Variants in DVL3 observed in about 807,000 individuals in gnomAD.
DVL3 encodes segment polarity protein dishevelled homolog DVL-3.
In DVL3, 27 loss-of-function variants were observed where a neutral mutation model predicts 67.4. That is an observed-to-expected ratio of 0.40 (90% CI 0.30 to 0.55). The LOEUF (loss-of-function observed/expected upper bound fraction) is 0.55, where lower values mean the gene tolerates loss of function less well. DVL3 is among the 20% of genes least tolerant of loss of function. The pLI, the probability that DVL3 is intolerant of heterozygous loss-of-function variation, is 0.46. For synonymous variants in DVL3, 369 were observed against 396.8 expected (o/e 0.93, Z 0.83); for missense variants, 819 against 1,021.5 (o/e 0.80, Z 2.70).
rs140653864 is a variant in DVL3 at position 184,167,644 on chromosome 3, C to T, written c.1263C>T (p.Ser421=). 370 of 1,614,198 alleles carry T rather than the reference C, an allele frequency of 2.3e-4. 3 individuals carry two copies. The African/African-American group carries it at 3.7e-3, about 16-fold the overall frequency. The part of the protein sequence containing the change: ...DMAAIVKAMA[S]PESGLEVRDR... ...CTGCCATCGTAAAAGCCATGGCCTCCCCTGAATCAGGGTTGGAGGTCCGTG... is the reference window on the plus strand; with the variant it reads ...CTGCCATCGTAAAAGCCATGGCCTCTCCTGAATCAGGGTTGGAGGTCCGTG... Residue 421 remains serine, a synonymous_variant, in exon 12 of 15, where the codon TCC becomes TCT. Transcript: ENST00000313143. This position sits in a 1 kb window ranked among gnomAD's most constrained non-coding sequence, Gnocchi z 4.6.
Position 184,171,501 on chromosome 3 carries a change from C to T in DVL3, c.*746C>T. 1.0e-6 allele frequency: 1 copy of T among 986,062 alleles called. No homozygotes were observed. The highest frequency in any genetic ancestry group is 1.2e-6 in the Non-Finnish European group (1 of 830,060). 61.1% of individuals were successfully genotyped at this position (986,062 alleles called of 1,614,324 possible). On this transcript the variant is annotated 3_prime_UTR_variant, in exon 15 of 15. Coordinates refer to ENST00000313143, the MANE Select transcript of DVL3 (RefSeq NM_004423.4). ...CTACTAACCAGCAGGCTCATCTCACCTCCAGGCCTGAAACATTTCTTTTCT... is the reference window on the plus strand; with the variant it reads ...CTACTAACCAGCAGGCTCATCTCACTTCCAGGCCTGAAACATTTCTTTTCT...
At position 184,170,337 on chromosome 3, in the gene DVL3, C is replaced by G; in HGVS notation, c.1733C>G (p.Ser578Cys). The change falls in exon 15 of 15, where the codon TCC becomes TGC. Residue 578 changes from serine (S) to cysteine (C), a missense_variant. By Grantham distance (112) the Ser-to-Cys change is moderately radical. Transcript: ENST00000313143. This position sits in a 1 kb window ranked among gnomAD's most constrained non-coding sequence, Gnocchi z 6.5. ...QHSEGSRSSG[S>C]NRSGSDRRKE... ...CCTACAGGCAGTCGGAGCAGTGGCT[C>G]CAACCGTAGCGGCAGCGATCGGAGG... 1 of 1,603,848 alleles carries G rather than the reference C, an allele frequency of 6.2e-7. No homozygotes were observed. The highest frequency in any genetic ancestry group is 1.7e-4 in the Middle Eastern group (1 of 6,030).
Position 184,170,050 on chromosome 3 carries a change from G to A in DVL3, c.1543G>A (p.Ala515Thr). ...SLHDHDGSSG[A>T]SDQDTLAPLP... ...CCACGATCACGATGGCTCCAGTGGC[G>A]CCTCTGACCAGGACACACTGGCCCC... The change falls in exon 14 of 15, where the codon GCC (alanine) becomes ACC (threonine). Residue 515 changes from alanine to threonine, a missense_variant. Physicochemically the swap from Ala to Thr is moderately conservative, Grantham distance 58. Transcript: ENST00000313143. This position sits in a 1 kb window ranked among gnomAD's most constrained non-coding sequence, Gnocchi z 6.5. 10 of 1,613,084 alleles carry A rather than the reference G, an allele frequency of 6.2e-6. No homozygotes were observed. The highest frequency in any genetic ancestry group is 8.5e-6 in the Non-Finnish European group (10 of 1,179,406).
chr3:184,164,418 G>A lies in DVL3; in HGVS notation c.353+30G>A, dbSNP rs185415845. ...GTGTGACCTGAGGGTGGGGAGGGCC[G>A]CATCAGTTCAGCCCAGGGCTGGGGG... On this transcript the variant is annotated intron_variant, in intron 3 of 14. Coordinates refer to ENST00000313143, the MANE Select transcript of DVL3 (RefSeq NM_004423.4). This position sits in a 1 kb window ranked among gnomAD's most constrained non-coding sequence, Gnocchi z 5.3. 20 of 1,609,560 alleles carry A rather than the reference G, an allele frequency of 1.2e-5. No individual in the cohort carries two copies. Among genetic ancestry groups the A allele is most frequent in the Middle Eastern group, 1.7e-4 (1 of 6,036 alleles).
chr3:184,166,879 A>G lies in DVL3; in HGVS notation c.1102A>G (p.Met368Val), dbSNP rs772123827. The G allele has an allele frequency of 6.2e-7, 1 of 1,614,050 alleles. No homozygotes were observed. Among genetic ancestry groups the G allele is most frequent in the East Asian group, 2.2e-5 (1 of 44,870 alleles). ...PAAWVSHTAAMTGTFPAYGMS... is the reference protein window; with the variant it reads ...PAAWVSHTAAVTGTFPAYGMS... ...GGCCTGGGTCTCCCACACTGCAGCC[A>G]TGACCGGCACCTTCCCTGCATACGG... is the stretch of plus-strand genomic sequence containing the variant. Residue 368 changes from methionine (M) to valine (V), a missense_variant, in exon 11 of 15, where the codon ATG (methionine) becomes GTG (valine). By Grantham distance (21) the Met-to-Val change is conservative. Around this residue, in one of 3 missense-constraint regions of DVL3, gnomAD observed 110 missense variants for 203.4 expected, o/e 0.54. Coordinates refer to ENST00000313143, the MANE Select transcript of DVL3 (RefSeq NM_004423.4). The surrounding 1 kb of genome is among the most constrained non-coding windows in gnomAD (Gnocchi z 6.7).
chr3:184,164,463 C>G lies in DVL3; in HGVS notation c.354-29C>G. On this transcript the variant is annotated intron_variant, in intron 3 of 14. Coordinates refer to ENST00000313143, the MANE Select transcript of DVL3 (RefSeq NM_004423.4). This position sits in a 1 kb window ranked among gnomAD's most constrained non-coding sequence, Gnocchi z 5.3. ...TGGGGGAGGGAGCCCCCAGCCTGCCCCCTCCCCCATCAAGTCTCTTCCCTG... is the reference window on the plus strand; with the variant it reads ...TGGGGGAGGGAGCCCCCAGCCTGCCGCCTCCCCCATCAAGTCTCTTCCCTG... 1 of 1,599,696 alleles carries G rather than the reference C, an allele frequency of 6.3e-7. No individual in the cohort carries two copies. Among genetic ancestry groups the G allele is most frequent in the Non-Finnish European group, 8.5e-7 (1 of 1,172,748 alleles).
rs1714460717 is a variant in DVL3 at position 184,163,657 on chromosome 3, A to G, written c.162A>G (p.Gly54=). Residue 54 remains glycine (G), a splice_region_variant and synonymous_variant, in exon 2 of 15, where the codon GGA becomes GGG. Transcript: ENST00000313143. This position sits in a 1 kb window ranked among gnomAD's most constrained non-coding sequence, Gnocchi z 4.5. Reference sequence around the variant, plus strand: ...CTGTGACATCCCCCTTTCTCTGCAGAGTGGTGAAGGAGGAGATCTCGGATG... The same window carrying G: ...CTGTGACATCCCCCTTTCTCTGCAGGGTGGTGAAGGAGGAGATCTCGGATG... ...FFFKSMDDDF[G]VVKEEISDDN... 3 of 1,613,658 alleles carry G rather than the reference A, an allele frequency of 1.9e-6. No individual in the cohort carries two copies. The highest frequency in any genetic ancestry group is 2.5e-6 in the Non-Finnish European group (3 of 1,179,872).
At chr3:184,168,386 C>G (rs1714674507) in intron 13 of DVL3, among the ~76,000 whole-genome samples, 2 of 152,224 alleles carry the variant, frequency 1.3e-5, no homozygotes, top group Admixed American at 1.3e-4. Flanking sequence ...TAGGCCTTTT[C>G]CTTCTCACTC....
At chr3:184,168,417 GTTGT>G in intron 13 of DVL3, among the ~76,000 whole-genome samples, 1 of 152,326 alleles carries the variant, frequency 6.6e-6, no homozygotes, top group East Asian at 1.9e-4. Context: ...CAGCTAGGGT[GTTGT>G]AGGCTTAAAG....
At chr3:184,157,995 C>T (rs1282895690) in intron 1 of DVL3, among the ~76,000 whole-genome samples, 3 of 152,250 alleles carry the variant, frequency 2.0e-5, no homozygotes, top group Middle Eastern at 6.8e-3. Context: ...ATTTAATCTT[C>T]GAAACAGCCT....
At position 184,170,826 on chromosome 3, in the gene DVL3, C is replaced by CT; in HGVS notation, c.*77dup. On this transcript the variant is annotated 3_prime_UTR_variant, in exon 15 of 15. Coordinates refer to ENST00000313143, the MANE Select transcript of DVL3 (RefSeq NM_004423.4). This position sits in a 1 kb window ranked among gnomAD's most constrained non-coding sequence, Gnocchi z 6.5. ...TGCGTTCCTCTCTCCATCCGTCCGT[C>CT]TTTTTTACTTTGTCTGGTACCTGAA... is the stretch of plus-strand genomic sequence containing the variant. The CT allele has an allele frequency of 1.3e-6, 2 of 1,584,516 alleles. No homozygotes were observed. Among genetic ancestry groups the CT allele is most frequent in the Non-Finnish European group, 8.6e-7 (1 of 1,165,926 alleles).
At position 184,165,467 on chromosome 3, in the gene DVL3, A is replaced by G. The variant is rs200772105; in HGVS notation, c.739A>G (p.Ile247Val). ...SITDSTMSLNIITVTLNMEKY... is the reference protein window; with the variant it reads ...SITDSTMSLNVITVTLNMEKY... ...CACGGACTCCACCATGTCACTCAAC[A>G]TCATCACGGTCACTCTCAACATGGG... Residue 247 changes from isoleucine to valine, a missense_variant, in exon 7 of 15, where the codon ATC becomes GTC. Transcript: ENST00000313143. The surrounding 1 kb of genome is among the most constrained non-coding windows in gnomAD (Gnocchi z 4.1). 11 of 1,614,058 alleles carry G rather than the reference A, an allele frequency of 6.8e-6. No homozygotes were observed. The highest frequency in any genetic ancestry group is 1.3e-5 in the African/African-American group (1 of 75,008).
In DVL3 at chr3:184,170,278, C is replaced by G; in HGVS notation, c.1715-41C>G. ...AGGTGGGCCCCAGGCTTCCCCCGCC[C>G]GCTCAGCCTGCCCCACCCCGGCCCT... On this transcript the variant is annotated intron_variant, in intron 14 of 14. Coordinates refer to ENST00000313143, the MANE Select transcript of DVL3 (RefSeq NM_004423.4). The surrounding 1 kb of genome is among the most constrained non-coding windows in gnomAD (Gnocchi z 6.5). 4 of 1,594,978 alleles carry G rather than the reference C, an allele frequency of 2.5e-6. No homozygotes were observed. Among genetic ancestry groups the G allele is most frequent in the Non-Finnish European group, 3.4e-6 (4 of 1,170,290 alleles).
intron 1 of DVL3, among the ~76,000 whole-genome samples, chr3:184,162,466 G>A (rs752400156): frequency 6.6e-6 from 1 of 151,896 alleles, no homozygotes. Flanking sequence ...GATTACCAGC[G>A]TGAGAAAGAG....
chr3:184,166,386 T>G lies in DVL3; in HGVS notation c.904-60T>G. 1.2e-6 allele frequency: 2 copies of G among 1,612,092 alleles called. No homozygotes were observed. Among genetic ancestry groups the G allele is most frequent in the Non-Finnish European group, 1.7e-6 (2 of 1,178,248 alleles). On this transcript the variant is annotated intron_variant, in intron 8 of 14. Transcript: ENST00000313143. The surrounding 1 kb of genome is among the most constrained non-coding windows in gnomAD (Gnocchi z 6.7). ...GGGAAGACTCCCTGACCTACCAAGT[T>G]GAGTTCCCTTTTCATCCTCCCCAGC... is the stretch of plus-strand genomic sequence containing the variant.
At position 184,170,228 on chromosome 3, in the gene DVL3, T is replaced by TAG. The variant is rs1485622206; in HGVS notation, c.1714+10_1714+11dup. On this transcript the variant is annotated splice_region_variant and intron_variant, in intron 14 of 14. Transcript: ENST00000313143. This position sits in a 1 kb window ranked among gnomAD's most constrained non-coding sequence, Gnocchi z 6.5. The stretch of plus-strand genomic sequence containing the variant: ...AGCAGTCAGCACAGCGAAGGTAAGG[T>TAG]AGAGGGGCCGTGGAGGAAGGCTATA... 6.2e-7 allele frequency: 1 copy of TAG among 1,611,170 alleles called. No homozygotes were observed. Among genetic ancestry groups the TAG allele is most frequent in the Non-Finnish European group, 8.5e-7 (1 of 1,179,316 alleles).
rs1359428590 is a variant in DVL3 at position 184,171,241 on chromosome 3, A to G, written c.*486A>G. The stretch of plus-strand genomic sequence containing the variant: ...ACTTTACCCCACATTACTGAAACCA[A>G]AATATATTTGCTTCATCTGCCCCTA... On this transcript the variant is annotated 3_prime_UTR_variant, in exon 15 of 15. Transcript: ENST00000313143. The G allele has an allele frequency of 9.5e-7, 1 of 1,053,276 alleles. No homozygotes were observed. The highest frequency in any genetic ancestry group is 1.1e-6 in the Non-Finnish European group (1 of 871,772). The allele number at this position is 1,053,276 out of a possible 1,614,324, so 65.2% of individuals were successfully genotyped here.
chr3:184,170,724 A>G lies in DVL3; in HGVS notation c.2120A>G (p.Asn707Ser). The G allele has an allele frequency of 1.9e-6, 3 of 1,613,258 alleles. No individual in the cohort carries two copies. Among genetic ancestry groups the G allele is most frequent in the Non-Finnish European group, 8.5e-7 (1 of 1,179,864 alleles). Residue 707 changes from asparagine (N) to serine (S), a missense_variant, in exon 15 of 15, where the codon AAC (asparagine) becomes AGC (serine). Physicochemically the swap from Asn to Ser is conservative, Grantham distance 46. Around this residue, in one of 3 missense-constraint regions of DVL3, gnomAD observed 324 missense variants for 331.3 expected, o/e 0.98. Transcript: ENST00000313143. The surrounding 1 kb of genome is among the most constrained non-coding windows in gnomAD (Gnocchi z 6.5). ...CAGTCCTTCCGCATGGCCATGGGAA[A>G]CCCCAGTGAGTTCTTTGTGGATGTG... The part of the protein sequence containing the change: ...SRQSFRMAMG[N>S]PSEFFVDVM
intron 1 of DVL3, among the ~76,000 whole-genome samples, chr3:184,162,565 T>C (rs79517449): frequency 1.4e-5 from 2 of 147,720 alleles, no homozygotes; most frequent in African/African-American, 2.5e-5. Flanking sequence ...CTTTTCTTTT[T>C]TTTTTTTTTT....
Sources: allele counts gnomAD v4.1 joint callset (sites outside exome capture counted in the v4.1 genomes callset), GRCh38; gene constraint gnomAD v4.1.1; regional missense constraint gnomAD v4.1.1; non-coding constraint Gnocchi (gnomAD v3.1); transcripts MANE v1.5; gene names NCBI Gene and HGNC (gene_info 2026-07-23, HGNC 2026-07-21).